The following SCNN1B variants were observed in gnomAD, a reference collection of about 807,000 sequenced individuals.
SCNN1B encodes sodium channel epithelial 1 subunit beta.
Under a neutral mutation model 65.3 loss-of-function variants are expected in SCNN1B, and 46 were observed. The observed-to-expected ratio is 0.70, with a 90% CI of 0.56 to 0.90. The LOEUF (loss-of-function observed/expected upper bound fraction) is 0.90. SCNN1B is among the 40% of genes least tolerant of loss of function. The pLI, the probability that SCNN1B is intolerant of heterozygous loss-of-function variation, is 0.00. For synonymous variants in SCNN1B, 349 were observed against 330.6 expected, an observed-to-expected ratio of 1.06 and a Z score of -0.60; for missense variants, 751 against 830.5, an observed-to-expected ratio of 0.90 and a Z score of 1.18.
At chr16:23,334,337 G>C (rs897939022) in intron 1 of SCNN1B, among the ~76,000 whole-genome samples, 1 of 152,232 alleles carries the variant, frequency 6.6e-6, no homozygotes, top group African/African-American at 2.4e-5. Context: ...GGGCTCGAAT[G>C]AGTGATAAAG....
At chr16:23,341,426 C>T (rs1962052967) in intron 1 of SCNN1B, among the ~76,000 whole-genome samples, 1 of 151,908 alleles carries the variant, frequency 6.6e-6, no homozygotes, top group African/African-American at 2.4e-5. Flanking sequence ...GAAACCAAAG[C>T]ACACACGCAA....
At chr16:23,322,717 C>T (rs1961614321) in intron 1 of SCNN1B, among the ~76,000 whole-genome samples, 1 of 152,152 alleles carries the variant, frequency 6.6e-6, no homozygotes, top group Non-Finnish European at 1.5e-5. Flanking sequence ...AATATTACTT[C>T]AACATATAAT....
upstream of SCNN1B, among the ~76,000 whole-genome samples, chr16:23,299,766 T>A (rs1166917301): frequency 6.6e-6 from 1 of 152,130 alleles, no homozygotes. Flanking sequence ...GTTCAACCAT[T>A]GTGGAAGACA....
At chr16:23,365,754 A>G (rs1030468465) in intron 4 of SCNN1B, among the ~76,000 whole-genome samples, 2 of 152,224 alleles carry the variant, frequency 1.3e-5, no homozygotes, top group African/African-American at 4.8e-5. Flanking sequence ...ACCCACCTCA[A>G]CAAACATTTA....
intron 1 of SCNN1B, among the ~76,000 whole-genome samples, chr16:23,345,472 A>C (rs780376238): frequency 8.5e-5 from 13 of 152,210 alleles, no homozygotes; most frequent in Non-Finnish European, 1.9e-4. Flanking sequence ...AGGTGTTCAA[A>C]TGGCAAAGTC....
chr16:23,376,170 C>T (rs150830697), intron 8 of SCNN1B, among the ~76,000 whole-genome samples: 110 of 152,362 alleles, frequency 7.2e-4, no homozygotes, highest in African/African-American at 2.5e-3. Flanking sequence ...CATGTGGCTG[C>T]TGGCGAGTGT....
At chr16:23,308,390 G>T (rs1263786891) in intron 1 of SCNN1B, among the ~76,000 whole-genome samples, 1 of 152,048 alleles carries the variant, frequency 6.6e-6, no homozygotes, top group Non-Finnish European at 1.5e-5. Flanking sequence ...AGGCATGGTG[G>T]TGCACACCTG....
intron 1 of SCNN1B, among the ~76,000 whole-genome samples, chr16:23,305,576 A>AAATCT (rs1961195932): frequency 4.0e-5 from 1 of 25,196 alleles, no homozygotes; most frequent in African/African-American, 3.7e-4. Flanking sequence ...ATATATATAT[A>AAATCT]TTATATATAT....
At chr16:23,322,157 A>C (rs1206258653) in intron 1 of SCNN1B, among the ~76,000 whole-genome samples, 5 of 152,194 alleles carry the variant, frequency 3.3e-5, no homozygotes, top group South Asian at 2.1e-4. Context: ...GCCTGAAAAG[A>C]ACCTATTTGG....
At chr16:23,287,090 C>T (rs1225921448) in intron 2 of SCNN1B, among the ~76,000 whole-genome samples, 1 of 151,382 alleles carries the variant, frequency 6.6e-6, no homozygotes, top group African/African-American at 2.4e-5. Context: ...CTGCAACCTC[C>T]GCCTCCAGGG....
chr16:23,280,934 A>T (rs1960775975), intron 1 of SCNN1B, among the ~76,000 whole-genome samples: 1 of 152,248 alleles, frequency 6.6e-6, no homozygotes, highest in South Asian at 2.1e-4. Context: ...GGGCTACTTG[A>T]GGAGAGAGAC....
chr16:23,368,866 T>C (rs888877492), intron 5 of SCNN1B, among the ~76,000 whole-genome samples: 3 of 151,658 alleles, frequency 2.0e-5, no homozygotes, highest in African/African-American at 7.3e-5. Flanking sequence ...GGATATAGAG[T>C]GTGGAAGGAG....
intron 4 of SCNN1B, among the ~76,000 whole-genome samples, chr16:23,361,721 CAGGATGCCCCCG>C (rs908807187): frequency 5.9e-5 from 9 of 152,324 alleles, no homozygotes; most frequent in African/African-American, 1.9e-4. Flanking sequence ...TCTGGCACTA[CAGGATGCCCCCG>C]CCCTAGAATC....
intron 5 of SCNN1B, among the ~76,000 whole-genome samples, 170 bp downstream of exon 5, chr16:23,368,129 C>T (rs577520972): frequency 3.9e-5 from 6 of 152,310 alleles, no homozygotes; most frequent in South Asian, 2.1e-4. Flanking sequence ...CCAGGCCAGG[C>T]GCTTCCTCAG....
At chr16:23,344,504 T>C (rs1354164223) in intron 1 of SCNN1B, among the ~76,000 whole-genome samples, 1 of 152,280 alleles carries the variant, frequency 6.6e-6, no homozygotes, top group Non-Finnish European at 1.5e-5. Context: ...GTTCTTCCCA[T>C]ATGCTTGAGT....
At chr16:23,317,233 C>T (rs1961491370) in intron 1 of SCNN1B, among the ~76,000 whole-genome samples, 1 of 152,198 alleles carries the variant, frequency 6.6e-6, no homozygotes, top group Non-Finnish European at 1.5e-5. Flanking sequence ...TGGTAAGAGG[C>T]ACATGAGCTA....
In SCNN1B at chr16:23,378,719, A is replaced by G; in HGVS notation, c.1418A>G (p.His473Arg). 1 of 1,614,112 alleles carries G rather than the reference A, an allele frequency of 6.2e-7. No individual in the cohort carries two copies. Residue 473 changes from histidine to arginine, a missense_variant, in exon 11 of 13, where the codon CAC becomes CGC. By Grantham distance (29) the His-to-Arg change is conservative (BLOSUM62 0). Transcript: ENST00000343070. ...PSEASEDWIF[H>R]VLSQERDQST... ...CTTGGGTTCCAGGACTGGATTTTCC[A>G]CGTCTTGTCTCAGGAGCGGGACCAA...
At chr16:23,316,028 A>T (rs113570085) in intron 1 of SCNN1B, among the ~76,000 whole-genome samples, 3 of 145,996 alleles carry the variant, frequency 2.1e-5, no homozygotes, top group Admixed American at 2.0e-4. Flanking sequence ...CATCATCACC[A>T]TCACCATCGC....
chr16:23,294,230 T>C (rs1445415059), intron 2 of SCNN1B, among the ~76,000 whole-genome samples: 7 of 151,898 alleles, frequency 4.6e-5, no homozygotes, highest in Non-Finnish European at 7.4e-5. Context: ...TTTTAGTCTC[T>C]ACTAAAAATA....
Sources: gnomAD v4.1 joint callset for allele counts (sites outside exome capture counted in the v4.1 genomes callset) on GRCh38, gnomAD v4.1.1 for gene constraint, MANE v1.5 for transcripts, NCBI Gene and HGNC (gene_info 2026-07-23, HGNC 2026-07-21) for gene names.